The following OPRD1 variants were observed in gnomAD, a reference collection of about 807,000 sequenced individuals.
OPRD1 encodes the protein delta-type opioid receptor.
In OPRD1, 19 loss-of-function variants were observed where a neutral mutation model predicts 17.5. The ratio of observed to expected loss-of-function variants is 1.09; its 90% CI spans 0.76 to 1.60. OPRD1 has a LOEUF of 1.60. Among genes scored for constraint, OPRD1 ranks in the 40% most tolerant of loss-of-function variants. The pLI is 0.00. For missense variants in OPRD1, 483 were observed against 547.2 expected, an observed-to-expected ratio of 0.88 and a Z score of 1.17; for synonymous variants, 256 against 240.9, an observed-to-expected ratio of 1.06 and a Z score of -0.58.
chr1:28,864,460 T>C lies in OPRD1; in HGVS notation c.*1177T>C, dbSNP rs1005434313. ...AGGATAGGGTAATAAGACAGGACCT[T>C]GGTTGGAGTAGGGTCCCCAGAACTG... On this transcript the variant is annotated 3_prime_UTR_variant, in exon 3 of 3. Coordinates refer to ENST00000234961, the MANE Select transcript of OPRD1 (RefSeq NM_000911.4). The C allele has an allele frequency of 4.0e-5, 6 of 150,270 alleles. No homozygotes were observed. The highest frequency in any genetic ancestry group is 1.5e-4 in the African/African-American group (6 of 40,836). The allele number at this position is 150,270 out of a possible 1,614,324, so 9.3% of individuals were successfully genotyped here.
intron 1 of OPRD1, among the ~76,000 whole-genome samples, chr1:28,842,169 A>G (rs748345855): frequency 1.7e-4 from 26 of 152,116 alleles, no homozygotes; most frequent in Non-Finnish European, 3.8e-4. Context: ...AGCTGGGACT[A>G]TAGGCATGCG....
In OPRD1 at chr1:28,870,007, C is replaced by T. The variant is rs1229500623; in HGVS notation, c.*6724C>T. 2.0e-5 allele frequency: 3 copies of T among 152,160 alleles called. No homozygotes were observed. The highest frequency in any genetic ancestry group is 4.4e-5 in the Non-Finnish European group (3 of 68,036). The allele number at this position is 152,160 out of a possible 1,614,324, so 9.4% of individuals were successfully genotyped here. A position where few individuals can be genotyped will look rare whatever the true frequency, so the allele number is the denominator to read the frequency against. On this transcript the variant is annotated 3_prime_UTR_variant, in exon 3 of 3. Transcript: ENST00000234961. ...TGAGCCATTTCTCAGTCATGGATGA[C>T]AGCACTTAGCTGATGAGAAGTTGAG...
intron 1 of OPRD1, among the ~76,000 whole-genome samples, chr1:28,832,346 C>T (rs2124269319): frequency 6.6e-6 from 1 of 152,256 alleles, no homozygotes; most frequent in South Asian, 2.1e-4. Context: ...TGGCTCCTGC[C>T]TGTAATCAAG....
chr1:28,829,515 C>T (rs901811833), intron 1 of OPRD1, among the ~76,000 whole-genome samples: 1 of 151,922 alleles, frequency 6.6e-6, no homozygotes, highest in Non-Finnish European at 1.5e-5. Context: ...ATTACAGGTG[C>T]CCGCCACCAC....
chr1:28,859,513 G>A (rs997621578), intron 2 of OPRD1, among the ~76,000 whole-genome samples: 17 of 152,188 alleles, frequency 1.1e-4, no homozygotes, highest in Non-Finnish European at 7.3e-5. Context: ...CTGGCCAGGG[G>A]GGCATGCGGA....
At chr1:28,823,448 G>A (rs183173366) in intron 1 of OPRD1, among the ~76,000 whole-genome samples, 1 of 151,862 alleles carries the variant, frequency 6.6e-6, no homozygotes, top group African/African-American at 2.4e-5. Context: ...CCAGGCTGGA[G>A]TGCAATGGCA....
chr1:28,825,983 A>C (rs1411567097), intron 1 of OPRD1, among the ~76,000 whole-genome samples: 1 of 152,242 alleles, frequency 6.6e-6, no homozygotes, highest in Non-Finnish European at 1.5e-5. Context: ...ACAGTGATGA[A>C]GACACAGTCC....
rs1348218078 is a variant in OPRD1, at chr1:28,867,994, G to C, written c.*4711G>C. The C allele has an allele frequency of 2.0e-5, 3 of 152,368 alleles. No homozygotes were observed. The highest frequency in any genetic ancestry group is 7.2e-5 in the African/African-American group (3 of 41,462). The allele number at this position is 152,368 out of a possible 1,614,324, so 9.4% of individuals were successfully genotyped here. A position where few individuals can be genotyped will look rare whatever the true frequency, so the allele number is the denominator to read the frequency against. ...CAGGAGCCACCATGGAGAGTGAGAAGCTGCCAGAGAAGCAGGAGGAGGATG... is the reference window on the plus strand; with the variant it reads ...CAGGAGCCACCATGGAGAGTGAGAACCTGCCAGAGAAGCAGGAGGAGGATG... On this transcript the variant is annotated 3_prime_UTR_variant, in exon 3 of 3. Coordinates refer to ENST00000234961, the MANE Select transcript of OPRD1 (RefSeq NM_000911.4).
At chr1:28,838,237 G>T (rs959965608) in intron 1 of OPRD1, among the ~76,000 whole-genome samples, 2 of 152,092 alleles carry the variant, frequency 1.3e-5, no homozygotes, top group African/African-American at 4.8e-5. Flanking sequence ...CTAGAATGTA[G>T]ACATCTGCCA....
intron 1 of OPRD1, among the ~76,000 whole-genome samples, chr1:28,825,931 C>G (rs2088764014): frequency 6.6e-6 from 1 of 152,116 alleles, no homozygotes; most frequent in East Asian, 1.9e-4. Flanking sequence ...TTGGGTTGTC[C>G]CCCCTGAAGT....
In OPRD1 at chr1:28,812,174, C is replaced by G. The variant is rs1351192945; in HGVS notation, c.-210C>G. 1 of 170,654 alleles carries G rather than the reference C, an allele frequency of 5.9e-6. No individual in the cohort carries two copies. Among genetic ancestry groups the G allele is most frequent in the Non-Finnish European group, 1.2e-5 (1 of 82,552 alleles). 10.6% of individuals were successfully genotyped at this position (170,654 alleles called of 1,614,324 possible). A position where few individuals can be genotyped will look rare whatever the true frequency, so the allele number is the denominator to read the frequency against. ...GCCTGCGGCTGCTCCTGGCTCACAG[C>G]GCTCCGGGCGAGGAGAGCGGGCGGA... On this transcript the variant is annotated 5_prime_UTR_variant, in exon 1 of 3. Coordinates refer to ENST00000234961, the MANE Select transcript of OPRD1 (RefSeq NM_000911.4).
intron 1 of OPRD1, among the ~76,000 whole-genome samples, chr1:28,856,155 C>G (rs541565540): frequency 6.6e-6 from 1 of 152,304 alleles, no homozygotes; most frequent in African/African-American, 2.4e-5. Flanking sequence ...GCGTGGGAGT[C>G]AGGAGGTCTC....
intron 1 of OPRD1, among the ~76,000 whole-genome samples, chr1:28,856,128 G>A (rs2089057163): frequency 6.6e-6 from 1 of 152,222 alleles, no homozygotes; most frequent in Non-Finnish European, 1.5e-5. Flanking sequence ...CCACCCTTGG[G>A]GTGGTGGAAA....
chr1:28,863,239 G>T lies in OPRD1; in HGVS notation c.1075G>T (p.Ala359Ser), dbSNP rs1390090312. The T allele has an allele frequency of 1.3e-6, 2 of 1,546,132 alleles. No homozygotes were observed. Among genetic ancestry groups the T allele is most frequent in the South Asian group, 1.2e-5 (1 of 84,020 alleles). Residue 359 changes from alanine (A) to serine (S), a missense_variant, in exon 3 of 3, where the codon GCC becomes TCC. By Grantham distance (99) the Ala-to-Ser change is moderately conservative. Coordinates refer to ENST00000234961, the MANE Select transcript of OPRD1 (RefSeq NM_000911.4). ...REATARERVT[A>S]CTPSDGPGGG... ...AGCCACGGCCCGCGAGCGTGTCACC[G>T]CCTGCACCCCGTCCGATGGTCCCGG...
intron 1 of OPRD1, among the ~76,000 whole-genome samples, chr1:28,812,818 G>C (rs1436079809): frequency 6.6e-6 from 1 of 151,838 alleles, no homozygotes; most frequent in Non-Finnish European, 1.5e-5. Context: ...GTGTGGTGCG[G>C]GGGGGGGAGT....
At chr1:28,847,737 G>A (rs1248720562) in intron 1 of OPRD1, among the ~76,000 whole-genome samples, 1 of 152,068 alleles carries the variant, frequency 6.6e-6, no homozygotes, top group Non-Finnish European at 1.5e-5. Flanking sequence ...GGGAGACTGA[G>A]GTAGGATCGC....
At chr1:28,854,248 A>G (rs1214081461) in intron 1 of OPRD1, among the ~76,000 whole-genome samples, 1 of 151,916 alleles carries the variant, frequency 6.6e-6, no homozygotes, top group East Asian at 1.9e-4. Flanking sequence ...GTTTTTAGAC[A>G]TGGGGTGTTG....
chr1:28,862,339 G>A (rs367774125), intron 2 of OPRD1, among the ~76,000 whole-genome samples: 7 of 152,254 alleles, frequency 4.6e-5, no homozygotes, highest in African/African-American at 1.7e-4. Context: ...CCTGAGTCCT[G>A]CTCCTAGCTC....
chr1:28,862,169 G>T (rs930047352), intron 2 of OPRD1, among the ~76,000 whole-genome samples: 3 of 150,814 alleles, frequency 2.0e-5, no homozygotes, highest in African/African-American at 7.3e-5. Context: ...TGCCCTCCTC[G>T]GCCTCCCAAA....
Sources: allele counts gnomAD v4.1 joint callset (sites outside exome capture counted in the v4.1 genomes callset), GRCh38; gene constraint gnomAD v4.1.1; transcripts MANE v1.5; gene names NCBI Gene and HGNC (gene_info 2026-07-23, HGNC 2026-07-21).